The following SLC7A7 variants were observed in gnomAD, a reference collection of about 807,000 sequenced individuals.
SLC7A7 encodes the protein Y+L amino acid transporter 1.
A neutral mutation model predicts 47.9 loss-of-function variants in SLC7A7; 39 were observed. That is an observed-to-expected ratio of 0.81 (90% CI 0.63 to 1.06). The LOEUF (loss-of-function observed/expected upper bound fraction) is 1.06, where lower values mean the gene tolerates loss of function less well. SLC7A7 is among the 50% of genes least tolerant of loss of function. The pLI is 0.00. For missense variants in SLC7A7, 588 were observed against 632.0 expected, an observed-to-expected ratio of 0.93 and a Z score of 0.75; for synonymous variants, 234 against 242.8, an observed-to-expected ratio of 0.96 and a Z score of 0.34.
chr14:22,812,095 GCA>G (rs2039317931), intron 2 of SLC7A7, among the ~76,000 whole-genome samples: 1 of 152,120 alleles, frequency 6.6e-6, no homozygotes, highest in Non-Finnish European at 1.5e-5. Flanking sequence ...TAGAGGAAAA[GCA>G]CACTGTAGAA....
chr14:22,789,649 A>G (rs1205936986), intron 2 of SLC7A7, among the ~76,000 whole-genome samples: 1 of 151,928 alleles, frequency 6.6e-6, no homozygotes, highest in Non-Finnish European at 1.5e-5. Context: ...AAAAAAAGAA[A>G]AAAGTTGCAG....
At position 22,813,171 on chromosome 14, in the gene SLC7A7, C is replaced by G; in HGVS notation, c.228G>C (p.Trp76Cys). ...SASFGLSLVI[W>C]AVGGLFSVFG... ...AGACGGAGAAGAGGCCCCCGACAGC[C>G]CAGATGACCAGAGAGAGACCAAAGG... Residue 76 changes from tryptophan to cysteine, a missense_variant, in exon 2 of 10, where the codon TGG becomes TGC. Coordinates refer to ENST00000674313, the MANE Select transcript of SLC7A7 (RefSeq NM_003982.4). 6.2e-7 allele frequency: 1 copy of G among 1,614,176 alleles called. No homozygotes were observed. Among genetic ancestry groups the G allele is most frequent in the Non-Finnish European group, 8.5e-7 (1 of 1,180,030 alleles).
intron 2 of SLC7A7, among the ~76,000 whole-genome samples, chr14:22,784,757 A>G (rs929312638): frequency 3.9e-5 from 6 of 152,346 alleles, no homozygotes; most frequent in Admixed American, 2.0e-4. Flanking sequence ...TAGAACTAAA[A>G]GCCAGAAAGC....
intron 2 of SLC7A7, among the ~76,000 whole-genome samples, chr14:22,811,624 T>C (rs1456686826): frequency 2.6e-5 from 4 of 152,040 alleles, no homozygotes; most frequent in Non-Finnish European, 5.9e-5. Flanking sequence ...CCAAGGCAGG[T>C]AGATCACTTG....
chr14:22,778,947 A>C lies in SLC7A7; in HGVS notation c.626-10T>G. 1 of 1,613,758 alleles carries C rather than the reference A, an allele frequency of 6.2e-7. No homozygotes were observed. The highest frequency in any genetic ancestry group is 8.5e-7 in the Non-Finnish European group (1 of 1,180,006). On this transcript the variant is annotated splice_polypyrimidine_tract_variant and intron_variant, in intron 3 of 9. Coordinates refer to ENST00000674313, the MANE Select transcript of SLC7A7 (RefSeq NM_003982.4). ...AAATGAGTAGAGGCTCCTGGAACCCAAGAACATTGGAAGGCAGGGGATTAG... is the reference window on the plus strand; with the variant it reads ...AAATGAGTAGAGGCTCCTGGAACCCCAGAACATTGGAAGGCAGGGGATTAG...
intron 2 of SLC7A7, among the ~76,000 whole-genome samples, chr14:22,789,770 A>G (rs976649902): frequency 2.0e-5 from 3 of 152,206 alleles, no homozygotes; most frequent in Admixed American, 1.3e-4. Context: ...GGAGGCAGAA[A>G]GGTCAATGTC....
intron 4 of SLC7A7, among the ~76,000 whole-genome samples, chr14:22,778,266 C>T (rs946526575): frequency 2.6e-5 from 4 of 152,174 alleles, no homozygotes; most frequent in African/African-American, 9.7e-5. Context: ...GAAAGATCAA[C>T]TCTAGGTCCT....
chr14:22,815,924 C>T (rs904879819), upstream of SLC7A7: 6 of 342,168 alleles, frequency 1.8e-5, no homozygotes, highest in Admixed American at 3.8e-5. Context: ...GCAGTCTCTA[C>T]ACCATGTGAC....
chr14:22,812,018 A>G (rs56842538), intron 2 of SLC7A7, among the ~76,000 whole-genome samples: 52,955 of 151,898 alleles, frequency 0.35, 10,661 homozygotes, highest in Admixed American at 0.46. Flanking sequence ...TAAAATTCAC[A>G]TGAAATAATA....
chr14:22,778,221 G>A (rs565664352), intron 4 of SLC7A7, among the ~76,000 whole-genome samples: 12 of 152,276 alleles, frequency 7.9e-5, no homozygotes, highest in East Asian at 1.9e-4. Context: ...AGAGATGGCC[G>A]GGCAACTCCC....
At chr14:22,784,400 A>AT in intron 2 of SLC7A7, among the ~76,000 whole-genome samples, 2 of 152,162 alleles carry the variant, frequency 1.3e-5, no homozygotes, top group South Asian at 2.1e-4. Context: ...TGGACAGATC[A>AT]CGAGGTCAAG....
chr14:22,775,859 G>C lies in SLC7A7; in HGVS notation c.972C>G (p.Leu324=), dbSNP rs1239008031. 3.1e-6 allele frequency: 5 copies of C among 1,613,912 alleles called. No homozygotes were observed. Among genetic ancestry groups the C allele is most frequent in the South Asian group, 1.1e-5 (1 of 91,084 alleles). ...LSVALSCFGG[L]NASIVAASRL... ...TAGAAGCAGCCACAATGGAGGCATT[G>C]AGGCCACCAAAACAGGATAATGCAA... Residue 324 remains leucine (L), a synonymous_variant, in exon 6 of 10, where the codon CTC becomes CTG. Transcript: ENST00000674313.
At chr14:22,779,056 C>T in intron 3 of SLC7A7, 119 bp from the exon 4 acceptor site, 1 of 1,242,826 alleles carries the variant, frequency 8.0e-7, no homozygotes, top group Non-Finnish European at 1.1e-6. Flanking sequence ...GCCTACAACA[C>T]CTTTGGCAGC....
intron 2 of SLC7A7, among the ~76,000 whole-genome samples, chr14:22,795,401 T>G (rs1383016771): frequency 0.15 from 814 of 5,608 alleles, 19 homozygotes; most frequent in African/African-American, 0.25. Context: ...TTTCTTTCTT[T>G]CTTTCTTTCT....
At chr14:22,791,960 G>A (rs886747169) in intron 2 of SLC7A7, among the ~76,000 whole-genome samples, 1 of 150,982 alleles carries the variant, frequency 6.6e-6, no homozygotes, top group African/African-American at 2.4e-5. Context: ...TCAGCCTCCC[G>A]AGTAGCTGGG....
intron 2 of SLC7A7, among the ~76,000 whole-genome samples, chr14:22,782,196 G>A (rs1015702676): frequency 3.3e-5 from 5 of 151,900 alleles, no homozygotes; most frequent in Admixed American, 1.3e-4. Flanking sequence ...TCTGCCTCCC[G>A]GGTTCAAGCC....
At chr14:22,800,942 A>G (rs763512976) in intron 2 of SLC7A7, among the ~76,000 whole-genome samples, 3 of 151,872 alleles carry the variant, frequency 2.0e-5, no homozygotes, top group Non-Finnish European at 4.4e-5. Flanking sequence ...TCCACCTCAA[A>G]AAAAGAAAAA....
intron 2 of SLC7A7, among the ~76,000 whole-genome samples, chr14:22,790,871 G>A (rs889598450): frequency 1.3e-5 from 2 of 151,798 alleles, no homozygotes; most frequent in Non-Finnish European, 2.9e-5. Context: ...GGTGGTGTGC[G>A]CCTGTAGTCC....
chr14:22,796,014 T>C (rs1426153154), intron 2 of SLC7A7, among the ~76,000 whole-genome samples: 1 of 152,126 alleles, frequency 6.6e-6, no homozygotes, highest in Non-Finnish European at 1.5e-5. Context: ...AAGAGTTTGT[T>C]CCAAAGTTCA....
Sources: gnomAD v4.1 joint callset for allele counts (sites outside exome capture counted in the v4.1 genomes callset) on GRCh38, gnomAD v4.1.1 for gene constraint, MANE v1.5 for transcripts, NCBI Gene and HGNC (gene_info 2026-07-23, HGNC 2026-07-21) for gene names.